The following HS3ST4 variants were observed in gnomAD, a reference collection of about 807,000 sequenced individuals.
HS3ST4 encodes heparan sulfate-glucosamine 3-sulfotransferase 4, also known as heparan sulfate glucosamine 3-O-sulfotransferase 4.
In HS3ST4, 17 loss-of-function variants were observed where a neutral mutation model predicts 29.2. That is an observed-to-expected ratio of 0.58 (90% CI 0.40 to 0.87). The LOEUF is 0.87. Ranked by LOEUF, HS3ST4 falls within the 40% of genes least tolerant of loss-of-function variation. The pLI, the probability that HS3ST4 is intolerant of heterozygous loss-of-function variation, is 0.00. For synonymous variants in HS3ST4, 314 were observed against 285.7 expected (o/e 1.10, Z -1.00); for missense variants, 627 against 634.5 (o/e 0.99, Z 0.13).
At chr16:26,054,322 AGAAGAAGAG>A (rs1898381987) in intron 1 of HS3ST4, among the ~76,000 whole-genome samples, 1 of 148,472 alleles carries the variant, frequency 6.7e-6, no homozygotes, top group African/African-American at 2.6e-5. Context: ...AAGAAGAAGA[AGAAGAAGAG>A]AAGAAGAAGA....
chr16:25,844,039 C>T (rs1967440960), intron 1 of HS3ST4, among the ~76,000 whole-genome samples: 1 of 152,114 alleles, frequency 6.6e-6, no homozygotes, highest in African/African-American at 2.4e-5. Flanking sequence ...AGTTAAAGTA[C>T]TAATTTCTAA....
At chr16:25,970,605 A>C (rs143200405) in intron 1 of HS3ST4, among the ~76,000 whole-genome samples, 3 of 151,612 alleles carry the variant, frequency 2.0e-5, no homozygotes, top group African/African-American at 7.3e-5. Context: ...AACCCCCTGG[A>C]CTCAGGCAAT....
At chr16:25,777,492 G>A (rs1966848681) in intron 1 of HS3ST4, among the ~76,000 whole-genome samples, 1 of 151,980 alleles carries the variant, frequency 6.6e-6, no homozygotes, top group Non-Finnish European at 1.5e-5. Context: ...TACAAGGCTG[G>A]GCGCGGTGGC....
intron 1 of HS3ST4, among the ~76,000 whole-genome samples, chr16:26,055,854 G>T (rs1253009147): frequency 1.3e-5 from 2 of 152,104 alleles, no homozygotes; most frequent in Non-Finnish European, 2.9e-5. Flanking sequence ...TGATGGATTT[G>T]ATTCATTTGG....
At chr16:25,751,902 C>T (rs1430131397) in intron 1 of HS3ST4, among the ~76,000 whole-genome samples, 5 of 152,140 alleles carry the variant, frequency 3.3e-5, no homozygotes, top group South Asian at 2.1e-4. Flanking sequence ...GAGGTCCCTA[C>T]GTTGTTGTAC....
intron 1 of HS3ST4, among the ~76,000 whole-genome samples, chr16:26,013,583 A>T (rs1411514456): frequency 3.3e-5 from 5 of 152,196 alleles, no homozygotes; most frequent in Non-Finnish European, 7.3e-5. Context: ...CATCAATTTC[A>T]TAGGCTTCAT....
chr16:26,075,959 T>C (rs1898657864), intron 1 of HS3ST4, among the ~76,000 whole-genome samples: 1 of 152,202 alleles, frequency 6.6e-6, no homozygotes, highest in African/African-American at 2.4e-5. Flanking sequence ...CCCTAGCCTT[T>C]GTTTTCCGAG....
At chr16:26,061,044 CTTGT>C (rs1347054083) in intron 1 of HS3ST4, among the ~76,000 whole-genome samples, 1 of 152,182 alleles carries the variant, frequency 6.6e-6, no homozygotes, top group Non-Finnish European at 1.5e-5. Flanking sequence ...TTCTAAAGGG[CTTGT>C]TTATTTCTTC....
At chr16:26,030,122 A>C (rs978400342) in intron 1 of HS3ST4, among the ~76,000 whole-genome samples, 1 of 152,202 alleles carries the variant, frequency 6.6e-6, no homozygotes, top group South Asian at 2.1e-4. Context: ...TCTCATCTTC[A>C]TGTGATCACT....
chr16:25,930,615 G>C (rs963239285), intron 1 of HS3ST4, among the ~76,000 whole-genome samples: 78 of 152,182 alleles, frequency 5.1e-4, no homozygotes, highest in African/African-American at 1.6e-3. Context: ...GTATAATTCA[G>C]TCTGACTGCG....
At chr16:26,084,720 G>T (rs1898764785) in intron 1 of HS3ST4, among the ~76,000 whole-genome samples, 1 of 152,110 alleles carries the variant, frequency 6.6e-6, no homozygotes, top group Non-Finnish European at 1.5e-5. Context: ...ACCAAGCTAG[G>T]ACTACAGGCT....
chr16:25,901,313 G>A (rs1028879684), intron 1 of HS3ST4, among the ~76,000 whole-genome samples: 1 of 152,174 alleles, frequency 6.6e-6, no homozygotes, highest in East Asian at 1.9e-4. Context: ...CATGAGGGCT[G>A]GCAGTGCAAT....
intron 1 of HS3ST4, among the ~76,000 whole-genome samples, chr16:26,027,184 A>G (rs928059491): frequency 1.3e-5 from 2 of 152,214 alleles, no homozygotes; most frequent in African/African-American, 4.8e-5. Flanking sequence ...ACTGGGGATT[A>G]CTTTGGACTG....
At chr16:25,778,132 A>G (rs1326996388) in intron 1 of HS3ST4, among the ~76,000 whole-genome samples, 1 of 147,166 alleles carries the variant, frequency 6.8e-6, no homozygotes, top group Non-Finnish European at 1.5e-5. Flanking sequence ...ACACATACAT[A>G]CTAAAATATA....
intron 1 of HS3ST4, among the ~76,000 whole-genome samples, chr16:25,712,938 A>G (rs969908811): frequency 2.6e-5 from 4 of 152,106 alleles, no homozygotes; most frequent in African/African-American, 9.7e-5. Flanking sequence ...AGACGGCTCT[A>G]TTCTCCCTGT....
intron 1 of HS3ST4, among the ~76,000 whole-genome samples, chr16:25,907,744 G>A (rs997723394): frequency 3.9e-5 from 6 of 152,160 alleles, no homozygotes; most frequent in Admixed American, 6.5e-5. Flanking sequence ...GCATTGCAAA[G>A]TGCGTATTTT....
chr16:25,749,577 G>A (rs746262754), intron 1 of HS3ST4, among the ~76,000 whole-genome samples: 5 of 152,220 alleles, frequency 3.3e-5, no homozygotes, highest in Middle Eastern at 6.8e-3. Flanking sequence ...GGAAGAAGAA[G>A]AAGAAGGAGA....
intron 1 of HS3ST4, among the ~76,000 whole-genome samples, chr16:25,794,898 C>T (rs1018658994): frequency 2.9e-5 from 1 of 34,532 alleles, no homozygotes; most frequent in Non-Finnish European, 6.4e-5. Flanking sequence ...CTCAAGAATA[C>T]ACACACACAC....
At chr16:25,722,835 A>G (rs568385998) in intron 1 of HS3ST4, among the ~76,000 whole-genome samples, 1 of 152,214 alleles carries the variant, frequency 6.6e-6, no homozygotes, top group Non-Finnish European at 1.5e-5. Flanking sequence ...TAAGGATTAC[A>G]TGAGATGGCA....
Sources: gnomAD v4.1 joint callset for allele counts (sites outside exome capture counted in the v4.1 genomes callset) on GRCh38, gnomAD v4.1.1 for gene constraint, MANE v1.5 for transcripts, NCBI Gene and HGNC (gene_info 2026-07-23, HGNC 2026-07-21) for gene names.